The following PTPRN2 variants were observed in gnomAD, a reference collection of about 807,000 sequenced individuals.
PTPRN2 encodes receptor-type tyrosine-protein phosphatase N2.
PTPRN2 carries 74 observed loss-of-function variants against 118.8 expected under a neutral mutation model. That is an observed-to-expected ratio of 0.62 (90% CI 0.52 to 0.76). The LOEUF is 0.76. Ranked by LOEUF, PTPRN2 falls within the 30% of genes least tolerant of loss-of-function variation. The pLI is 0.00. For synonymous variants in PTPRN2, 641 were observed against 608.0 expected (o/e 1.05, Z -0.80); for missense variants, 1,481 against 1,394.4 (o/e 1.06, Z -0.99).
At chr7:158,348,946 G>A (rs2151259851) in intron 2 of PTPRN2, among the ~76,000 whole-genome samples, 1 of 121,524 alleles carries the variant, frequency 8.2e-6, no homozygotes, top group Admixed American at 8.0e-5. Context: ...TGGTCCCTGA[G>A]GGCAGTGCTG....
intron 12 of PTPRN2, among the ~76,000 whole-genome samples, chr7:157,783,253 G>A (rs187830261): frequency 2.6e-5 from 4 of 152,066 alleles, no homozygotes; most frequent in Admixed American, 6.6e-5. Context: ...TATTAGCAGC[G>A]TGAGAACAGA....
chr7:157,856,477 T>C (rs1020774180), intron 12 of PTPRN2, among the ~76,000 whole-genome samples: 2 of 152,246 alleles, frequency 1.3e-5, no homozygotes, highest in Admixed American at 1.3e-4. Context: ...CACAGGCCGG[T>C]GCCTCCGAGG....
At chr7:158,370,329 G>C (rs948098826) in intron 2 of PTPRN2, among the ~76,000 whole-genome samples, 4 of 151,992 alleles carry the variant, frequency 2.6e-5, no homozygotes, top group Non-Finnish European at 4.4e-5. Context: ...CCAGTTACTC[G>C]AGAGGCTGAG....
At chr7:157,547,964 G>A (rs1431624836) in intron 22 of PTPRN2, among the ~76,000 whole-genome samples, 1 of 152,218 alleles carries the variant, frequency 6.6e-6, no homozygotes, top group African/African-American at 2.4e-5. Context: ...GTAGGGCATC[G>A]CTGGGCCTGT....
At position 157,801,059 on chromosome 7, in the gene PTPRN2, A is replaced by G. The variant is rs1313649561; in HGVS notation, c.1788+97614T>C. On this transcript the variant is annotated intron_variant, in intron 12 of 22. Transcript: ENST00000389418. This position sits in a 1 kb window ranked among gnomAD's most constrained non-coding sequence, Gnocchi z 4.2. Reference sequence around the variant, plus strand: ...CATATATATACACATATATACACATATATATACACATATATATACACACAC... The same window carrying G: ...CATATATATACACATATATACACATGTATATACACATATATATACACACAC... Among the ~76,000 whole-genome samples the G allele has an allele frequency of 6.7e-6, 1 of 148,768 alleles. No individual in the cohort carries two copies. The highest frequency in any genetic ancestry group is 6.7e-5 in the Admixed American group (1 of 14,990).
intron 17 of PTPRN2, among the ~76,000 whole-genome samples, chr7:157,589,970 C>T (rs1231008574): frequency 1.3e-5 from 2 of 152,176 alleles, no homozygotes; most frequent in South Asian, 2.1e-4. Context: ...CTCACCACCC[C>T]GGCTGTTTCC....
Position 157,883,675 on chromosome 7 carries a change from C to T in PTPRN2, c.1788+14998G>A, listed in dbSNP as rs550177139. On this transcript the variant is annotated intron_variant, in intron 12 of 22. Transcript: ENST00000389418. ...GACTGTCAGAAACCAGAACACAACACCCCAAAAATGACTGTCAGAGACCAG... is the reference window on the plus strand; with the variant it reads ...GACTGTCAGAAACCAGAACACAACATCCCAAAAATGACTGTCAGAGACCAG... Among the ~76,000 whole-genome samples, 7 of 150,156 alleles carry T rather than the reference C, an allele frequency of 4.7e-5. No individual in the cohort carries two copies. The East Asian group carries it at 6.0e-4, about 13-fold the overall frequency.
intron 14 of PTPRN2, among the ~76,000 whole-genome samples, chr7:157,650,611 C>A (rs576557270): frequency 1.8e-4 from 27 of 152,176 alleles, no homozygotes; most frequent in Non-Finnish European, 3.2e-4. Flanking sequence ...CAGTGCCCCT[C>A]ATCCTGGGAG....
chr7:158,084,388 C>A (rs1379882410), intron 10 of PTPRN2, among the ~76,000 whole-genome samples: 2 of 151,926 alleles, frequency 1.3e-5, no homozygotes, highest in African/African-American at 4.8e-5. Context: ...TTCCCACCAA[C>A]TTCTTTCTAA....
rs574282359 is a variant in PTPRN2, at chr7:158,146,782, G to C, written c.911-8267C>G. Among the ~76,000 whole-genome samples the C allele has an allele frequency of 4.0e-5, 6 of 149,622 alleles. No individual in the cohort carries two copies. The South Asian group carries it at 1.3e-3, about 31-fold the overall frequency. The stretch of plus-strand genomic sequence containing the variant: ...AAAATTAAAAGCTTCATTTTCTTGA[G>C]GGCTACAACATTGTTCTCACACCAG... On this transcript the variant is annotated intron_variant, in intron 6 of 22. Coordinates refer to ENST00000389418, the MANE Select transcript of PTPRN2 (RefSeq NM_002847.5).
At chr7:158,472,306 G>T (rs1670351) in intron 2 of PTPRN2, among the ~76,000 whole-genome samples, 104,585 of 152,078 alleles carry the variant, frequency 0.69, 36,256 homozygotes, top group Admixed American at 0.77. Flanking sequence ...CGCCCGATCA[G>T]TGTGGTTCCA....
chr7:158,410,986 C>CACAGGGAAGGGGTGACGGGACAGT (rs1554494807), intron 2 of PTPRN2, among the ~76,000 whole-genome samples: 3 of 66,106 alleles, frequency 4.5e-5, no homozygotes, highest in Non-Finnish European at 9.0e-5. Flanking sequence ...AGACATGGAG[C>CACAGGGAAGGGGTGACGGGACAGT]GTGAGTAGGA....
At chr7:158,433,910 T>A (rs1302495280) in intron 2 of PTPRN2, among the ~76,000 whole-genome samples, 1 of 152,224 alleles carries the variant, frequency 6.6e-6, no homozygotes. Flanking sequence ...TTCACAATAT[T>A]TTCAGATTTC....
In PTPRN2 at chr7:158,444,485, G is replaced by A. The variant is rs555687920; in HGVS notation, c.163+45250C>T. On this transcript the variant is annotated intron_variant, in intron 2 of 22. Coordinates refer to ENST00000389418, the MANE Select transcript of PTPRN2 (RefSeq NM_002847.5). ...TTGATAAACCTGACGCTGCCCTCCC[G>A]GCTGGGGGCAGGAATCTCTCTACCA... is the stretch of plus-strand genomic sequence containing the variant. 5.1e-4 allele frequency among the ~76,000 whole-genome samples: 78 copies of A among 152,326 alleles called. 1 individual carries two copies. Among genetic ancestry groups the A allele is most frequent in the Non-Finnish European group, 9.4e-4 (64 of 68,034 alleles).
intron 12 of PTPRN2, among the ~76,000 whole-genome samples, chr7:157,709,156 T>C (rs963228701): frequency 6.6e-6 from 1 of 151,704 alleles, no homozygotes; most frequent in Non-Finnish European, 1.5e-5. Context: ...CATGGCTGGG[T>C]GGGATTTTAA....
At chr7:157,738,391 G>A (rs1298739104) in intron 12 of PTPRN2, among the ~76,000 whole-genome samples, 1 of 152,154 alleles carries the variant, frequency 6.6e-6, no homozygotes. Flanking sequence ...AAGGGAGGAG[G>A]GCAGGGTCAA....
At chr7:158,329,592 G>A (rs961038252) in intron 2 of PTPRN2, among the ~76,000 whole-genome samples, 20 of 152,184 alleles carry the variant, frequency 1.3e-4, no homozygotes, top group African/African-American at 2.9e-4. Context: ...CTGCCAGGGC[G>A]GTGACCTTGG....
At chr7:157,900,247 C>T (rs893762472) in intron 11 of PTPRN2, among the ~76,000 whole-genome samples, 2 of 152,226 alleles carry the variant, frequency 1.3e-5, no homozygotes, top group Non-Finnish European at 2.9e-5. Context: ...AGCTACTCAG[C>T]CCTGCCTTGC....
rs901674110 is a variant in PTPRN2, at chr7:157,840,105, G to A, written c.1788+58568C>T. Reference sequence around the variant, plus strand: ...TGTGGCCATATGTGACTGTGTGACCGCGTGACTGTGTGACTGTGACTGTGT... The same window carrying A: ...TGTGGCCATATGTGACTGTGTGACCACGTGACTGTGTGACTGTGACTGTGT... On this transcript the variant is annotated intron_variant, in intron 12 of 22. Transcript: ENST00000389418. Among the ~76,000 whole-genome samples the A allele has an allele frequency of 7.6e-5, 11 of 145,560 alleles. No individual in the cohort carries two copies. In the East Asian group the frequency reaches 8.4e-4, roughly 11 times the overall value.
Sources: gnomAD v4.1 joint callset for allele counts (sites outside exome capture counted in the v4.1 genomes callset) on GRCh38, gnomAD v4.1.1 for gene constraint, Gnocchi (gnomAD v3.1) non-coding constraint, MANE v1.5 for transcripts, NCBI Gene and HGNC (gene_info 2026-07-23, HGNC 2026-07-21) for gene names.